Variants in FANK1 observed in about 807,000 individuals in gnomAD.
FANK1 encodes the protein fibronectin type III and ankyrin repeat domains 1.
FANK1 carries 44 observed loss-of-function variants against 45.3 expected under a neutral mutation model. The observed-to-expected ratio is 0.97, with a 90% CI of 0.76 to 1.25. FANK1 has a LOEUF of 1.25. Ranked by LOEUF, FANK1 falls within the 50% of genes most tolerant of loss-of-function variation. FANK1 has a pLI of 0.00. For missense variants in FANK1, 391 were observed against 424.4 expected, an observed-to-expected ratio of 0.92 and a Z score of 0.69; for synonymous variants, 149 against 152.5, an observed-to-expected ratio of 0.98 and a Z score of 0.17.
intron 2 of FANK1, 111 bp downstream of exon 2, chr10:125,980,449 G>GCCGGGCGCGGTGGCTCACGCCTGTAATCC: frequency 8.1e-7 from 1 of 1,233,536 alleles, no homozygotes; most frequent in Middle Eastern, 2.0e-4. Context: ...GAATGAGTCA[G>GCCGGGCGCGGTGGCTCACGCCTGTAATCC]CATCATTTGT....
At chr10:125,994,212 G>A (rs1464196393) in intron 3 of FANK1, among the ~76,000 whole-genome samples, 5 of 152,024 alleles carry the variant, frequency 3.3e-5, no homozygotes, top group African/African-American at 1.2e-4. Context: ...GCAGTGTAGG[G>A]TGCAGTGGGG....
intron 1 of FANK1, chr10:125,960,284 C>T: frequency 3.3e-6 from 1 of 302,788 alleles, no homozygotes. Flanking sequence ...TTCAGGCATT[C>T]TGCATGCAGT....
At chr10:125,973,885 C>T (rs1950680738) in intron 1 of FANK1, 1 of 151,958 alleles carries the variant, frequency 6.6e-6, no homozygotes, top group African/African-American at 2.4e-5. Context: ...TCATAAATAA[C>T]ATGTAGTGTT....
At chr10:125,959,750 G>T (rs1183055273) in intron 1 of FANK1, among the ~76,000 whole-genome samples, 1 of 152,124 alleles carries the variant, frequency 6.6e-6, no homozygotes, top group Non-Finnish European at 1.5e-5. Flanking sequence ...GTAGAATTTG[G>T]TATAAAAATA....
Position 126,005,010 on chromosome 10 carries a change from C to T in FANK1, c.666C>T (p.His222=). 1 of 1,614,144 alleles carries T rather than the reference C, an allele frequency of 6.2e-7. No homozygotes were observed. Among genetic ancestry groups the T allele is most frequent in the Non-Finnish European group, 8.5e-7 (1 of 1,180,030 alleles). The part of the protein sequence containing the change: ...TALHWAADGG[H]CSVIEWMIKD... ...TGCACTGGGCTGCAGATGGAGGCCA[C>T]TGCAGTGTGATTGAGTGGATGATAA... The change falls in exon 7 of 11, where the codon CAC becomes CAT. Residue 222 remains histidine (H), a synonymous_variant. Coordinates refer to ENST00000368693, the MANE Select transcript of FANK1 (RefSeq NM_145235.5).
At chr10:125,938,931 T>C (rs1200476847) in intron 1 of FANK1, among the ~76,000 whole-genome samples, 1 of 152,160 alleles carries the variant, frequency 6.6e-6, no homozygotes, top group African/African-American at 2.4e-5. Flanking sequence ...TGTTAATACC[T>C]TCGCAGTGGA....
intron 2 of FANK1, among the ~76,000 whole-genome samples, chr10:125,981,979 A>G (rs1341683897): frequency 2.6e-5 from 4 of 152,248 alleles, no homozygotes; most frequent in African/African-American, 4.8e-5. Context: ...TATATCTGAT[A>G]TTTGAGAAAT....
Position 125,924,254 on chromosome 10 carries a change from GT to G in FANK1, c.13+27613del, listed in dbSNP as rs796167530. Among the ~76,000 whole-genome samples, 403 of 143,874 alleles carry G rather than the reference GT, an allele frequency of 2.8e-3. 3 individuals are homozygous for G. The South Asian group carries it at 0.031, about 11-fold the overall frequency. The allele number at this position is 143,874 out of a possible 152,430, so 94.4% of individuals were successfully genotyped here. On this transcript the variant is annotated intron_variant, in intron 1 of 10. Transcript: ENST00000368693. ...TGTCTGATTTATTGACTGATGCTTA[GT>G]TTTTTTTTTTTTTGAGATGTAGTCT...
chr10:125,918,124 G>A (rs1946607765), intron 1 of FANK1, among the ~76,000 whole-genome samples: 1 of 152,308 alleles, frequency 6.6e-6, no homozygotes, highest in Admixed American at 6.5e-5. Flanking sequence ...CAGAGGCTGG[G>A]GTAGAGAGGA....
intron 1 of FANK1, among the ~76,000 whole-genome samples, chr10:125,970,306 C>A (rs571959379): frequency 1.3e-4 from 20 of 151,396 alleles, no homozygotes; most frequent in African/African-American, 4.6e-4. Flanking sequence ...GCCTCCCAGA[C>A]GGGGCGGCGG....
intron 1 of FANK1, among the ~76,000 whole-genome samples, chr10:125,919,198 T>A (rs1946745930): frequency 1.1e-5 from 1 of 91,280 alleles, no homozygotes; most frequent in African/African-American, 5.5e-5. Context: ...GGTAAGAATT[T>A]TTTTTTTTTT....
At position 125,942,544 on chromosome 10, in the gene FANK1, CA is replaced by C. The variant is rs551680410; in HGVS notation, c.14-37613del. ...AGGACATTTTTTAACGAAAAGAATACAAAATTAAGAAAACGAAATTAGGTAG... is the reference window on the plus strand; with the variant it reads ...AGGACATTTTTTAACGAAAAGAATACAAATTAAGAAAACGAAATTAGGTAG... On this transcript the variant is annotated intron_variant, in intron 1 of 10. Transcript: ENST00000368693. Among the ~76,000 whole-genome samples, 17 of 151,838 alleles carry C rather than the reference CA, an allele frequency of 1.1e-4. No homozygotes were observed. The East Asian group carries it at 3.3e-3, about 29-fold the overall frequency.
At chr10:125,925,161 A>G (rs1004855697) in intron 1 of FANK1, among the ~76,000 whole-genome samples, 1 of 152,116 alleles carries the variant, frequency 6.6e-6, no homozygotes, top group African/African-American at 2.4e-5. Context: ...TTATTTTTAT[A>G]CTTTATTTAC....
intron 6 of FANK1, chr10:126,004,336 C>T (rs1352449000): frequency 6.6e-6 from 1 of 152,002 alleles, no homozygotes; most frequent in African/African-American, 2.4e-5. Flanking sequence ...CCCTCAGTTA[C>T]AGTCACTATT....
chr10:125,908,867 A>G (rs1420312823), intron 1 of FANK1, among the ~76,000 whole-genome samples: 1 of 152,312 alleles, frequency 6.6e-6, no homozygotes, highest in African/African-American at 2.4e-5. Context: ...CAATATATGT[A>G]TATTTCCTGA....
At chr10:125,981,599 G>A (rs1310090992) in intron 2 of FANK1, among the ~76,000 whole-genome samples, 1 of 151,634 alleles carries the variant, frequency 6.6e-6, no homozygotes, top group East Asian at 1.9e-4. Flanking sequence ...AATGCAAAAT[G>A]ACTATTTTGT....
Position 125,995,469 on chromosome 10 carries a change from A to C in FANK1, c.369A>C (p.Glu123Asp). The C allele has an allele frequency of 2.5e-6, 4 of 1,614,182 alleles. No individual in the cohort carries two copies. The Admixed American group carries it at 5.0e-5, about 20-fold the overall frequency. The change falls in exon 4 of 11, where the codon GAA becomes GAC. Residue 123 changes from glutamate to aspartate, a missense_variant. Coordinates refer to ENST00000368693, the MANE Select transcript of FANK1 (RefSeq NM_145235.5). The part of the protein sequence containing the change: ...HLHRAVSVND[E>D]DLLVRILQGG... ...ACCGGGCTGTCAGTGTGAATGATGAAGATTTGCTGGTCCGAATACTTCAAG... is the reference window on the plus strand; with the variant it reads ...ACCGGGCTGTCAGTGTGAATGATGACGATTTGCTGGTCCGAATACTTCAAG...
chr10:125,996,404 C>A, intron 4 of FANK1, 146 bp from the exon 5 acceptor site: 1 of 652,552 alleles, frequency 1.5e-6, no homozygotes. Flanking sequence ...CAGTCTAAGA[C>A]AAGAAAAGAT....
chr10:125,955,254 C>T (rs1949505389), intron 1 of FANK1, among the ~76,000 whole-genome samples: 1 of 152,008 alleles, frequency 6.6e-6, no homozygotes, highest in South Asian at 2.1e-4. Flanking sequence ...CTGATGCTCT[C>T]CCTCCCCACC....
Sources: allele counts gnomAD v4.1 joint callset (sites outside exome capture counted in the v4.1 genomes callset), GRCh38; gene constraint gnomAD v4.1.1; transcripts MANE v1.5; gene names NCBI Gene and HGNC (gene_info 2026-07-23, HGNC 2026-07-21).